The following APOC3 variants were observed in gnomAD, a reference collection of about 807,000 sequenced individuals.
The protein encoded by APOC3 is apolipoprotein C-III.
APOC3 carries 6 observed loss-of-function variants against 7.3 expected under a neutral mutation model. The observed-to-expected ratio is 0.82, with a 90% CI of 0.45 to 1.61. The LOEUF (loss-of-function observed/expected upper bound fraction) is 1.61. Ranked by LOEUF, APOC3 falls within the 40% of genes most tolerant of loss-of-function variation. The pLI is 0.01. For synonymous variants in APOC3, 45 were observed against 51.2 expected (o/e 0.88, Z 0.52); for missense variants, 123 against 124.9 (o/e 0.98, Z 0.07).
intron 3 of APOC3, among the ~76,000 whole-genome samples, chr11:116,832,381 C>A (rs1941472197): frequency 6.6e-6 from 1 of 152,204 alleles, no homozygotes; most frequent in African/African-American, 2.4e-5. Context: ...GAGAGGCTGC[C>A]TCCCTCTGTC....
chr11:116,830,376 C>T lies in APOC3; in HGVS notation c.-13-194C>T, dbSNP rs1941432057. On this transcript the variant is annotated intron_variant, in intron 1 of 3. Coordinates refer to ENST00000227667, the MANE Select transcript of APOC3 (RefSeq NM_000040.3). ...TGGTGGGTTTTCTGCTCCATCCCAC[C>T]CACCTCCCTTTGGGCCTCGATCCCT... The T allele has an allele frequency of 6.3e-6, 4 of 637,692 alleles. No homozygotes were observed. In the South Asian group the frequency reaches 7.4e-5, roughly 12 times the overall value. The allele number at this position is 637,692 out of a possible 1,614,324, so 39.5% of individuals were successfully genotyped here. A position where few individuals can be genotyped will look rare whatever the true frequency, so the allele number is the denominator to read the frequency against.
intron 2 of APOC3, 60 bp from the exon 3 acceptor site, chr11:116,830,713 C>T: frequency 6.2e-7 from 1 of 1,613,086 alleles, no homozygotes. Context: ...GGTGGTCAAG[C>T]AGGAGCCCAG....
At chr11:116,830,436 T>G in intron 1 of APOC3, 134 bp from the exon 2 acceptor site, 2 of 884,352 alleles carry the variant, frequency 2.3e-6, no homozygotes. Context: ...AGAGCCCGTA[T>G]TAGCAGGGAG....
At chr11:116,831,656 C>T (rs567643181) in intron 3 of APOC3, among the ~76,000 whole-genome samples, 8 of 152,302 alleles carry the variant, frequency 5.3e-5, no homozygotes, top group South Asian at 2.1e-4. Context: ...TGAGCCACTG[C>T]GCCTGGCCCC....
rs553878928 is a variant in APOC3 at position 116,830,394 on chromosome 11, C to T, written c.-13-176C>T. On this transcript the variant is annotated intron_variant, in intron 1 of 3. Transcript: ENST00000227667. Reference sequence around the variant, plus strand: ...ATCCCACCCACCTCCCTTTGGGCCTCGATCCCTCGCCCCTCACCAGTCCCC... The same window carrying T: ...ATCCCACCCACCTCCCTTTGGGCCTTGATCCCTCGCCCCTCACCAGTCCCC... The T allele has an allele frequency of 8.1e-4, 549 of 676,448 alleles. 9 individuals are homozygous for T. The highest frequency in any genetic ancestry group is 8.1e-3 in the South Asian group (458 of 56,796). The allele number at this position is 676,448 out of a possible 1,614,324, so 41.9% of individuals were successfully genotyped here.
rs1465822655 is a variant in APOC3 at position 116,832,812 on chromosome 11, C to T, written c.228C>T (p.Thr76=). 5.6e-6 allele frequency: 9 copies of T among 1,614,050 alleles called. No homozygotes were observed. In the South Asian group the frequency reaches 6.6e-5, roughly 12 times the overall value. Residue 76 remains threonine, a synonymous_variant, in exon 4 of 4, where the codon ACC becomes ACT. Transcript: ENST00000227667. ...GTTCCCTGAAAGACTACTGGAGCACCGTTAAGGACAAGTTCTCTGAGTTCT... is the reference window on the plus strand; with the variant it reads ...GTTCCCTGAAAGACTACTGGAGCACTGTTAAGGACAAGTTCTCTGAGTTCT... The part of the protein sequence containing the change: ...GFSSLKDYWS[T]VKDKFSEFWD...
At position 116,831,226 on chromosome 11, in the gene APOC3, TTTCTTTCTTTCTTTCTTTCTTTC is replaced by T. The variant is rs1284614637; in HGVS notation, c.179+333_179+355del. On this transcript the variant is annotated intron_variant, in intron 3 of 3. Coordinates refer to ENST00000227667, the MANE Select transcript of APOC3 (RefSeq NM_000040.3). ...CTTTCTTTCTTTCTTTCTTTCTTTCTTTCTTTCTTTCTTTCTTTCTTTCTTTCTTTCCTTTCTTTCTTTCCTTT... is the reference window on the plus strand; with the variant it reads ...CTTTCTTTCTTTCTTTCTTTCTTTCTTTTCTTTCCTTTCTTTCTTTCCTTT... 7 of 196,562 alleles carry T rather than the reference TTTCTTTCTTTCTTTCTTTCTTTC, an allele frequency of 3.6e-5. No homozygotes were observed. The East Asian group carries it at 7.3e-4, about 21-fold the overall frequency. 12.2% of individuals were successfully genotyped at this position (196,562 alleles called of 1,614,324 possible). A position where few individuals can be genotyped will look rare whatever the true frequency, so the allele number is the denominator to read the frequency against.
At chr11:116,831,915 G>C (rs1375594906) in intron 3 of APOC3, among the ~76,000 whole-genome samples, 1 of 152,232 alleles carries the variant, frequency 6.6e-6, no homozygotes, top group Non-Finnish European at 1.5e-5. Context: ...ACAGGAGGCG[G>C]AGCTCAGGCG....
chr11:116,832,906 C>T lies in APOC3; in HGVS notation c.*22C>T, dbSNP rs927467188. The T allele has an allele frequency of 6.2e-7, 1 of 1,613,586 alleles. No individual in the cohort carries two copies. Among genetic ancestry groups the T allele is most frequent in the African/African-American group, 1.3e-5 (1 of 75,056 alleles). ...CTGAGACCTCAATACCCCAAGTCCA[C>T]CTGCCTATCCATCCTGCGAGCTCCT... On this transcript the variant is annotated 3_prime_UTR_variant, in exon 4 of 4. Coordinates refer to ENST00000227667, the MANE Select transcript of APOC3 (RefSeq NM_000040.3).
chr11:116,830,097 TGAA>T (rs1477374990), intron 1 of APOC3, among the ~76,000 whole-genome samples, 157 bp downstream of exon 1: 3 of 152,056 alleles, frequency 2.0e-5, no homozygotes, highest in African/African-American at 7.2e-5. Flanking sequence ...CATCATAACC[TGAA>T]GAACATGGAG....
chr11:116,829,954 G>A lies in APOC3; in HGVS notation c.-14+14G>A, dbSNP rs923423678. 3 of 164,244 alleles carry A rather than the reference G, an allele frequency of 1.8e-5. No homozygotes were observed. Among genetic ancestry groups the A allele is most frequent in the Admixed American group, 1.7e-4 (3 of 17,484 alleles). 10.2% of individuals were successfully genotyped at this position (164,244 alleles called of 1,614,324 possible). On this transcript the variant is annotated intron_variant, in intron 1 of 3. Coordinates refer to ENST00000227667, the MANE Select transcript of APOC3 (RefSeq NM_000040.3). ...CAGCTGCTCCAGGTAATGCCCTCTGGGGAGGGGAAAGAGGAGGGGAGGAGG... is the reference window on the plus strand; with the variant it reads ...CAGCTGCTCCAGGTAATGCCCTCTGAGGAGGGGAAAGAGGAGGGGAGGAGG...
chr11:116,832,656 G>A, intron 3 of APOC3, 108 bp from the exon 4 acceptor site: 1 of 1,500,396 alleles, frequency 6.7e-7, no homozygotes, highest in South Asian at 1.1e-5. Context: ...TTGAGAGGGT[G>A]GTGTGGTCCT....
Position 116,831,304 on chromosome 11 carries a change from T to C in APOC3, c.179+408T>C, listed in dbSNP as rs1250018567. 3.1e-5 allele frequency among the ~76,000 whole-genome samples: 4 copies of C among 131,074 alleles called. No individual in the cohort carries two copies. The East Asian group carries it at 6.1e-4, about 20-fold the overall frequency. The allele number at this position is 131,074 out of a possible 152,430, so 86.0% of individuals were successfully genotyped here. On this transcript the variant is annotated intron_variant, in intron 3 of 3. Transcript: ENST00000227667. The stretch of plus-strand genomic sequence containing the variant: ...CTTTCCTTTCTTTCTTTCTTTCCTT[T>C]CTTTCTCTTTCTTTCTTTCTTTCCT...
At chr11:116,830,144 C>CAGG (rs1941430149) in intron 1 of APOC3, among the ~76,000 whole-genome samples, 4 of 152,026 alleles carry the variant, frequency 2.6e-5, no homozygotes, top group Admixed American at 2.6e-4. Flanking sequence ...CAAAGCTACA[C>CAGG]AGGGGGTGGG....
rs1382625294 is a variant in APOC3, at chr11:116,830,814, C to G, written c.97C>G (p.Gln33Glu). The change falls in exon 3 of 4, where the codon CAG (glutamine) becomes GAG (glutamate). Residue 33 changes from glutamine to glutamate, a missense_variant. Gln to Glu is a conservative substitution (Grantham distance 29). Transcript: ENST00000227667. ...AEDASLLSFM[Q>E]GYMKHATKTA... Reference sequence around the variant, plus strand: ...GGATGCCTCCCTTCTCAGCTTCATGCAGGGTTACATGAAGCACGCCACCAA... The same window carrying G: ...GGATGCCTCCCTTCTCAGCTTCATGGAGGGTTACATGAAGCACGCCACCAA... 4.3e-6 allele frequency: 7 copies of G among 1,613,232 alleles called. No individual in the cohort carries two copies. The South Asian group carries it at 6.6e-5, about 15-fold the overall frequency.
chr11:116,831,567 G>A (rs917591175), intron 3 of APOC3, among the ~76,000 whole-genome samples: 8 of 151,958 alleles, frequency 5.3e-5, no homozygotes, highest in Non-Finnish European at 1.0e-4. Flanking sequence ...GTTTCACCAT[G>A]TTGGCCAGGT....
rs1024296488 is a variant in APOC3, at chr11:116,833,035, C to G, written c.*151C>G. The G allele has an allele frequency of 2.8e-6, 3 of 1,084,832 alleles. No homozygotes were observed. The African/African-American group carries it at 4.7e-5, about 17-fold the overall frequency. The allele number at this position is 1,084,832 out of a possible 1,614,324, so 67.2% of individuals were successfully genotyped here. On this transcript the variant is annotated 3_prime_UTR_variant, in exon 4 of 4. Transcript: ENST00000227667. ...CATGCCTGGCCCCCCTCCAGGCATG[C>G]TGGCCTCCCAATAAAGCTGGACAAG... is the stretch of plus-strand genomic sequence containing the variant.
At chr11:116,831,650 C>T (rs1450787082) in intron 3 of APOC3, among the ~76,000 whole-genome samples, 1 of 152,216 alleles carries the variant, frequency 6.6e-6, no homozygotes, top group African/African-American at 2.4e-5. Flanking sequence ...CAGGCATGAG[C>T]CACTGCGCCT....
chr11:116,830,855 A>C lies in APOC3; in HGVS notation c.138A>C (p.Ala46=). 6.2e-7 allele frequency: 1 copy of C among 1,613,054 alleles called. No individual in the cohort carries two copies. Among genetic ancestry groups the C allele is most frequent in the Non-Finnish European group, 8.5e-7 (1 of 1,179,950 alleles). ...ACGCCACCAAGACCGCCAAGGATGC[A>C]CTGAGCAGCGTGCAGGAGTCCCAGG... ...MKHATKTAKD[A]LSSVQESQVA... The change falls in exon 3 of 4, where the codon GCA becomes GCC. Residue 46 remains alanine, a synonymous_variant. Coordinates refer to ENST00000227667, the MANE Select transcript of APOC3 (RefSeq NM_000040.3).
Sources: allele counts gnomAD v4.1 joint callset (sites outside exome capture counted in the v4.1 genomes callset), GRCh38; gene constraint gnomAD v4.1.1; transcripts MANE v1.5; gene names NCBI Gene and HGNC (gene_info 2026-07-23, HGNC 2026-07-21).